Variants in FBXO40 observed in about 807,000 individuals in gnomAD.
FBXO40 encodes F-box protein 40.
FBXO40 carries 50 observed loss-of-function variants against 49.9 expected under a neutral mutation model. The ratio of observed to expected loss-of-function variants is 1.00; its 90% confidence interval spans 0.80 to 1.27. The LOEUF (loss-of-function observed/expected upper bound fraction) is 1.27. Ranked by LOEUF, FBXO40 falls within the 50% of genes most tolerant of loss-of-function variation. FBXO40 has a pLI of 0.00. For missense variants in FBXO40, 895 were observed against 870.1 expected, an observed-to-expected ratio of 1.03 and a Z score of -0.36; for synonymous variants, 340 against 320.2, an observed-to-expected ratio of 1.06 and a Z score of -0.66.
In FBXO40 at chr3:121,623,200, G is replaced by A. The variant is rs773119943; in HGVS notation, c.1771G>A (p.Val591Ile). The change falls in exon 3 of 4, where the codon GTC becomes ATC. Residue 591 changes from valine to isoleucine, a missense_variant. Physicochemically the swap from Val to Ile is conservative, Grantham distance 29 (BLOSUM62 3). Coordinates refer to ENST00000338040, the MANE Select transcript of FBXO40 (RefSeq NM_016298.4). Reference protein sequence around the residue: ...LKYIAGFLDSVSLAQLSQVSV... With the variant: ...LKYIAGFLDSISLAQLSQVSV... ...GTACATTGCTGGGTTCTTGGACAGC[G>A]TCAGCCTGGCCCAGCTCTCCCAGGT... 10 of 1,614,038 alleles carry A rather than the reference G, an allele frequency of 6.2e-6. No individual in the cohort carries two copies. Among genetic ancestry groups the A allele is most frequent in the Middle Eastern group, 1.6e-4 (1 of 6,084 alleles).
Position 121,622,788 on chromosome 3 carries a change from G to C in FBXO40, c.1359G>C (p.Gly453=). The C allele has an allele frequency of 6.2e-7, 1 of 1,614,144 alleles. No homozygotes were observed. The highest frequency in any genetic ancestry group is 1.1e-5 in the South Asian group (1 of 91,074). ...CTGACCTAACCGCTGCCACCCCAGGGGGACTCCACGTGGAGCTCCACAGCG... is the reference window on the plus strand; with the variant it reads ...CTGACCTAACCGCTGCCACCCCAGGCGGACTCCACGTGGAGCTCCACAGCG... The part of the protein sequence containing the change: ...VLADLTAATP[G]GLHVELHSEC... The change falls in exon 3 of 4, where the codon GGG becomes GGC. Residue 453 remains glycine (G), a synonymous_variant. Transcript: ENST00000338040.
rs555241065 is a variant in FBXO40, at chr3:121,623,042, A to G, written c.1613A>G (p.Gln538Arg). The G allele has an allele frequency of 6.2e-7, 1 of 1,614,120 alleles. No homozygotes were observed. Among genetic ancestry groups the G allele is most frequent in the East Asian group, 2.2e-5 (1 of 44,890 alleles). ...CAAAAGGCAAAAGTAATCTATAGCC[A>G]GGAGCTCAAGACCTTTGCCATTAAG... ...PGQKAKVIYS[Q>R]ELKTFAIKPE... Residue 538 changes from glutamine to arginine, a missense_variant, in exon 3 of 4, where the codon CAG (glutamine) becomes CGG (arginine). Physicochemically the swap from Gln to Arg is conservative, Grantham distance 43 (BLOSUM62 1). Transcript: ENST00000338040.
intron 1 of FBXO40, among the ~76,000 whole-genome samples, chr3:121,598,590 T>A (rs530499745): frequency 6.6e-6 from 1 of 152,278 alleles, no homozygotes; most frequent in South Asian, 2.1e-4. Flanking sequence ...AACTGAGACA[T>A]GGTGCAAAAT....
chr3:121,599,676 A>ATG, intron 1 of FBXO40, among the ~76,000 whole-genome samples: 3 of 22,274 alleles, frequency 1.3e-4, no homozygotes, highest in African/African-American at 2.0e-4. Flanking sequence ...ACACACATGC[A>ATG]CACACACACA....
chr3:121,611,775 G>A (rs2048967034), intron 1 of FBXO40, among the ~76,000 whole-genome samples: 1 of 152,244 alleles, frequency 6.6e-6, no homozygotes, highest in Non-Finnish European at 1.5e-5. Context: ...CAAGGGCAGA[G>A]GTCCCTGCGG....
chr3:121,610,532 A>G (rs2048958707), intron 1 of FBXO40, among the ~76,000 whole-genome samples: 1 of 152,086 alleles, frequency 6.6e-6, no homozygotes, highest in Non-Finnish European at 1.5e-5. Context: ...TCCATGAGTA[A>G]TTTCCCTGAC....
At chr3:121,615,562 TAAA>T (rs34194992) in intron 1 of FBXO40, among the ~76,000 whole-genome samples, 3 of 128,982 alleles carry the variant, frequency 2.3e-5, no homozygotes, top group Non-Finnish European at 4.7e-5. Context: ...GACTGTGTCT[TAAA>T]AAAAAAAAAA....
At chr3:121,626,563 G>A in intron 3 of FBXO40, 132 bp from the exon 4 acceptor site, 2 of 787,426 alleles carry the variant, frequency 2.5e-6, no homozygotes, top group Non-Finnish European at 2.1e-6. Flanking sequence ...CCAAATGTCT[G>A]CAGGAGCCAC....
chr3:121,620,292 G>A (rs188754803), intron 1 of FBXO40, among the ~76,000 whole-genome samples: 2 of 152,256 alleles, frequency 1.3e-5, no homozygotes, highest in Admixed American at 1.3e-4. Flanking sequence ...AGGGCAGCGG[G>A]GGTCAGTGAA....
intron 1 of FBXO40, among the ~76,000 whole-genome samples, chr3:121,602,845 T>G (rs2048908114): frequency 6.6e-6 from 1 of 152,192 alleles, no homozygotes; most frequent in Non-Finnish European, 1.5e-5. Flanking sequence ...CACTGCATGT[T>G]AAGAGATCAG....
At chr3:121,597,896 C>A (rs2048880856) in intron 1 of FBXO40, among the ~76,000 whole-genome samples, 1 of 152,100 alleles carries the variant, frequency 6.6e-6, no homozygotes. Flanking sequence ...CTCCTGACCT[C>A]AAGTGATCCA....
chr3:121,600,041 T>TAC (rs1004152917), intron 1 of FBXO40, among the ~76,000 whole-genome samples: 4 of 149,624 alleles, frequency 2.7e-5, no homozygotes, highest in Admixed American at 6.7e-5. Context: ...CATATATATA[T>TAC]ACACACACAC....
intron 1 of FBXO40, among the ~76,000 whole-genome samples, chr3:121,614,321 A>T (rs2108848583): frequency 6.6e-6 from 1 of 150,788 alleles, no homozygotes; most frequent in Middle Eastern, 3.5e-3. Context: ...GTGCACCTGT[A>T]ATCCTAGCTA....
chr3:121,628,849 A>ATCCTTTCAGCTC lies in FBXO40; in HGVS notation c.*1942_*1953dup, dbSNP rs796945616. 9 of 152,320 alleles carry ATCCTTTCAGCTC rather than the reference A, an allele frequency of 5.9e-5. No individual in the cohort carries two copies. The highest frequency in any genetic ancestry group is 2.2e-4 in the African/African-American group (9 of 41,576). 9.4% of individuals were successfully genotyped at this position (152,320 alleles called of 1,614,324 possible). On this transcript the variant is annotated 3_prime_UTR_variant, in exon 4 of 4. Transcript: ENST00000338040. ...GTCCTTCAGCCACCCCCAAGAATGT[A>ATCCTTTCAGCTC]TCCTTTCAGCTCTCTTTGGTTATAC... is the stretch of plus-strand genomic sequence containing the variant.
At chr3:121,626,590 T>C in intron 3 of FBXO40, 105 bp from the exon 4 acceptor site, 2 of 1,022,744 alleles carry the variant, frequency 2.0e-6, no homozygotes, top group South Asian at 1.4e-5. Flanking sequence ...CTCTGGAGTC[T>C]AAGAATATGA....
rs372791958 is a variant in FBXO40 at position 121,626,814 on chromosome 3, G to T, written c.2034G>T (p.Pro678=). 2 of 1,614,094 alleles carry T rather than the reference G, an allele frequency of 1.2e-6. No homozygotes were observed. Among genetic ancestry groups the T allele is most frequent in the Non-Finnish European group, 1.7e-6 (2 of 1,180,024 alleles). Residue 678 remains proline, a synonymous_variant, in exon 4 of 4, where the codon CCG becomes CCT. Transcript: ENST00000338040. ...PFNIVEHKTD[P]ILLTSMCQPR... ...ACATTGTAGAGCACAAAACTGACCC[G>T]ATTCTTTTGACTAGCATGTGTCAGC... is the stretch of plus-strand genomic sequence containing the variant.
intron 1 of FBXO40, among the ~76,000 whole-genome samples, chr3:121,614,952 G>A (rs1333023804): frequency 6.6e-6 from 1 of 152,200 alleles, no homozygotes; most frequent in Non-Finnish European, 1.5e-5. Flanking sequence ...AGGTGCGGAG[G>A]CTTTCACCTG....
chr3:121,597,838 T>G (rs1051692740), intron 1 of FBXO40, among the ~76,000 whole-genome samples: 1 of 151,996 alleles, frequency 6.6e-6, no homozygotes, highest in African/African-American at 2.4e-5. Flanking sequence ...CTTTTTTGTA[T>G]TTTTAGTAGA....
At position 121,620,545 on chromosome 3, in the gene FBXO40, G is replaced by A. The variant is rs757542352; in HGVS notation, c.-30-1G>A. 1.9e-6 allele frequency: 3 copies of A among 1,613,834 alleles called. No individual in the cohort carries two copies. Among genetic ancestry groups the A allele is most frequent in the Middle Eastern group, 1.6e-4 (1 of 6,062 alleles). Reference sequence around the variant, plus strand: ...TTATTTATATTCATATTTTCCCGTAGAGCTAAGAAGCAAGAAGAAATTGGG... The same window carrying A: ...TTATTTATATTCATATTTTCCCGTAAAGCTAAGAAGCAAGAAGAAATTGGG... On this transcript the variant is annotated splice_acceptor_variant, in intron 1 of 3. Coordinates refer to ENST00000338040, the MANE Select transcript of FBXO40 (RefSeq NM_016298.4). LOFTEE classifies it low-confidence loss of function (5UTR_SPLICE).
Sources: gnomAD v4.1 joint callset for allele counts (sites outside exome capture counted in the v4.1 genomes callset) on GRCh38, gnomAD v4.1.1 for gene constraint, MANE v1.5 for transcripts, NCBI Gene and HGNC (gene_info 2026-07-23, HGNC 2026-07-21) for gene names.